Variants in CADM1 observed in about 807,000 individuals in gnomAD.
CADM1 encodes the protein TSLC-1.
CADM1 carries 15 observed loss-of-function variants against 53.1 expected under a neutral mutation model. The observed-to-expected ratio is 0.28, with a 90% CI of 0.19 to 0.44. The LOEUF is 0.44. Among genes scored for constraint, CADM1 ranks in the 20% least tolerant of loss-of-function variants. CADM1 has a pLI of 1.00. For synonymous variants in CADM1, 281 were observed against 243.0 expected (o/e 1.16, Z -1.45); for missense variants, 434 against 611.3 (o/e 0.71, Z 3.06).
At chr11:115,189,388 A>C (rs1939733229) in intron 10 of CADM1, among the ~76,000 whole-genome samples, 1 of 152,264 alleles carries the variant, frequency 6.6e-6, no homozygotes, top group South Asian at 2.1e-4. Context: ...TTGTGCCAAG[A>C]GGGATCAGGG....
intron 1 of CADM1, among the ~76,000 whole-genome samples, chr11:115,459,426 A>G (rs1443209850): frequency 6.6e-6 from 1 of 152,230 alleles, no homozygotes; most frequent in East Asian, 1.9e-4. Context: ...AGAGAAATGA[A>G]AAAGCTATGA....
intron 3 of CADM1, among the ~76,000 whole-genome samples, chr11:115,238,257 T>C (rs996575486): frequency 3.3e-5 from 5 of 152,214 alleles, no homozygotes; most frequent in Admixed American, 2.6e-4. Context: ...TAAATTCTCT[T>C]GATCTTTGCT....
At chr11:115,300,546 C>T (rs896972371) in intron 1 of CADM1, among the ~76,000 whole-genome samples, 5 of 152,116 alleles carry the variant, frequency 3.3e-5, no homozygotes, top group African/African-American at 9.7e-5. Flanking sequence ...ATATATATCA[C>T]AGAAAGCACA....
intron 1 of CADM1, among the ~76,000 whole-genome samples, chr11:115,461,388 A>G (rs1948791855): frequency 6.6e-6 from 1 of 152,206 alleles, no homozygotes; most frequent in Admixed American, 6.5e-5. Flanking sequence ...AAGGTGAGAA[A>G]CTGCAAACTG....
chr11:115,370,196 A>C (rs904940994), intron 1 of CADM1, among the ~76,000 whole-genome samples: 7 of 152,202 alleles, frequency 4.6e-5, no homozygotes, highest in Admixed American at 6.5e-5. Flanking sequence ...AGTGTTCCTT[A>C]TATTACCACA....
At chr11:115,437,770 T>C (rs1027337872) in intron 1 of CADM1, among the ~76,000 whole-genome samples, 2 of 152,216 alleles carry the variant, frequency 1.3e-5, no homozygotes, top group Non-Finnish European at 2.9e-5. Context: ...ACAGATTTTA[T>C]TTATTACCAT....
At chr11:115,435,856 G>A (rs1948172346) in intron 1 of CADM1, among the ~76,000 whole-genome samples, 1 of 152,144 alleles carries the variant, frequency 6.6e-6, no homozygotes, top group African/African-American at 2.4e-5. Context: ...TGGCCTACAA[G>A]ACCTAAAATA....
At chr11:115,223,665 A>G (rs1197376764) in intron 5 of CADM1, among the ~76,000 whole-genome samples, 1 of 152,156 alleles carries the variant, frequency 6.6e-6, no homozygotes, top group African/African-American at 2.4e-5. Flanking sequence ...TATTTGCCCA[A>G]CACTCACTCT....
chr11:115,310,255 C>A (rs1391743647), intron 1 of CADM1, among the ~76,000 whole-genome samples: 1 of 152,098 alleles, frequency 6.6e-6, no homozygotes, highest in African/African-American at 2.4e-5. Context: ...CTGGAATCAT[C>A]ATGACAGTTT....
intron 1 of CADM1, among the ~76,000 whole-genome samples, chr11:115,346,274 G>A (rs1945574765): frequency 6.6e-6 from 1 of 152,180 alleles, no homozygotes; most frequent in South Asian, 2.1e-4. Context: ...CTTAAGGACT[G>A]CAAGTGAATG....
At chr11:115,304,797 G>A (rs1944321398) in intron 1 of CADM1, among the ~76,000 whole-genome samples, 1 of 151,860 alleles carries the variant, frequency 6.6e-6, no homozygotes, top group Non-Finnish European at 1.5e-5. Flanking sequence ...GGAAACAAAT[G>A]ACAAGCTTCA....
chr11:115,501,967 C>A (rs1176109946), intron 1 of CADM1, among the ~76,000 whole-genome samples: 4 of 152,142 alleles, frequency 2.6e-5, no homozygotes, highest in Non-Finnish European at 5.9e-5. Context: ...CACTACAAAT[C>A]ATACCCAATT....
chr11:115,307,053 T>C (rs972592903), intron 1 of CADM1, among the ~76,000 whole-genome samples: 1 of 151,954 alleles, frequency 6.6e-6, no homozygotes, highest in African/African-American at 2.4e-5. Flanking sequence ...CATCATGCAA[T>C]AGCATTCAAA....
At chr11:115,235,839 G>A (rs1467370728) in intron 3 of CADM1, among the ~76,000 whole-genome samples, 3 of 152,136 alleles carry the variant, frequency 2.0e-5, no homozygotes, top group Non-Finnish European at 4.4e-5. Context: ...TTAAAGAAGT[G>A]TATTCTCTGT....
chr11:115,227,073 G>C (rs1042917025), intron 5 of CADM1, among the ~76,000 whole-genome samples: 6 of 152,098 alleles, frequency 3.9e-5, no homozygotes, highest in African/African-American at 1.4e-4. Flanking sequence ...TGGAATAAAG[G>C]CTAAAATATT....
chr11:115,355,528 C>T (rs1945843822), intron 1 of CADM1, among the ~76,000 whole-genome samples: 2 of 151,886 alleles, frequency 1.3e-5, no homozygotes, highest in Admixed American at 6.6e-5. Context: ...AGGCTTAGTA[C>T]CTGGGTGATG....
At chr11:115,391,096 A>T (rs1177779213) in intron 1 of CADM1, among the ~76,000 whole-genome samples, 1 of 152,248 alleles carries the variant, frequency 6.6e-6, no homozygotes, top group East Asian at 1.9e-4. Context: ...TTTATGAATC[A>T]ACAATTGTCT....
intron 8 of CADM1, among the ~76,000 whole-genome samples, chr11:115,209,012 A>G (rs544728127): frequency 6.6e-6 from 1 of 152,336 alleles, no homozygotes; most frequent in South Asian, 2.1e-4. Context: ...GGGGCACATG[A>G]GTGCTCAGCA....
At chr11:115,366,734 A>G (rs527868666) in intron 1 of CADM1, among the ~76,000 whole-genome samples, 2 of 152,298 alleles carry the variant, frequency 1.3e-5, no homozygotes, top group South Asian at 2.1e-4. Flanking sequence ...CTTTCTTAAG[A>G]TGTCAAATGA....
Sources: gnomAD v4.1 joint callset for allele counts (sites outside exome capture counted in the v4.1 genomes callset) on GRCh38, gnomAD v4.1.1 for gene constraint, MANE v1.5 for transcripts, NCBI Gene and HGNC (gene_info 2026-07-23, HGNC 2026-07-21) for gene names.